SCN3A: variants seen among roughly 807,000 people sequenced by gnomAD.
The protein encoded by SCN3A is sodium voltage-gated channel alpha subunit 3, also known as sodium channel protein type 3 subunit alpha.
A neutral mutation model predicts 187.6 loss-of-function variants in SCN3A; 60 were observed. That is an observed-to-expected ratio of 0.32 (90% CI 0.26 to 0.40). SCN3A has a LOEUF of 0.40. SCN3A is among the 10% of genes least tolerant of loss of function. The pLI is 1.00. For missense variants in SCN3A, 1,601 were observed against 2,428.2 expected, an observed-to-expected ratio of 0.66 and a Z score of 7.16; for synonymous variants, 788 against 829.2, an observed-to-expected ratio of 0.95 and a Z score of 0.85.
At chr2:165,113,087 TA>T in intron 20 of SCN3A, 29 bp from the exon 21 acceptor site, 1 of 1,559,484 alleles carries the variant, frequency 6.4e-7, no homozygotes, top group Non-Finnish European at 8.8e-7. Flanking sequence ...TTATTTTACT[TA>T]AATGGCTTGC....
At chr2:165,187,979 A>G (rs560825065) in intron 1 of SCN3A, among the ~76,000 whole-genome samples, 2 of 152,230 alleles carry the variant, frequency 1.3e-5, no homozygotes, top group Non-Finnish European at 2.9e-5. Context: ...AGTTTTAAAT[A>G]CTTTGACCTT....
intron 1 of SCN3A, among the ~76,000 whole-genome samples, chr2:165,200,312 T>C (rs1448429467): frequency 6.6e-6 from 1 of 152,028 alleles, no homozygotes; most frequent in East Asian, 1.9e-4. Context: ...AGGTGACAAA[T>C]GAAACATGAA....
At chr2:165,126,470 CTTT>C (rs1686996058) in intron 18 of SCN3A, among the ~76,000 whole-genome samples, 3 of 145,862 alleles carry the variant, frequency 2.1e-5, no homozygotes, top group Admixed American at 6.9e-5. Flanking sequence ...CTTTCTCTTT[CTTT>C]ATTTCTTCCT....
intron 18 of SCN3A, among the ~76,000 whole-genome samples, chr2:165,126,374 C>T (rs1240157886): frequency 6.6e-6 from 1 of 151,692 alleles, no homozygotes; most frequent in Non-Finnish European, 1.5e-5. Context: ...AATTTCCTTC[C>T]TTCCTTGCTT....
intron 24 of SCN3A, 95 bp from the exon 25 acceptor site, chr2:165,095,743 C>T (rs1685335535): frequency 1.5e-6 from 1 of 687,506 alleles, no homozygotes; most frequent in Non-Finnish European, 2.4e-6. Context: ...TAATACAGTG[C>T]TACTTTTGCC....
intron 24 of SCN3A, 133 bp downstream of exon 24, chr2:165,096,334 G>T: frequency 1.4e-6 from 1 of 691,388 alleles, no homozygotes; most frequent in Non-Finnish European, 2.6e-6. Context: ...CTATATTGAA[G>T]CAGACTGTTC....
chr2:165,173,159 G>A (rs1461513521), intron 3 of SCN3A, among the ~76,000 whole-genome samples: 1 of 152,086 alleles, frequency 6.6e-6, no homozygotes, highest in Non-Finnish European at 1.5e-5. Flanking sequence ...TTACTACTTT[G>A]TGGCAAGAAT....
chr2:165,165,343 A>T (rs529365302), intron 5 of SCN3A, among the ~76,000 whole-genome samples: 1 of 152,102 alleles, frequency 6.6e-6, no homozygotes, highest in East Asian at 1.9e-4. Context: ...CTAGTATTTT[A>T]TATGTGTGTG....
intron 2 of SCN3A, among the ~76,000 whole-genome samples, chr2:165,177,060 C>G (rs1432738008): frequency 6.6e-6 from 1 of 152,190 alleles, no homozygotes; most frequent in Admixed American, 6.5e-5. Flanking sequence ...GATCACCAAC[C>G]AGCAGGGACA....
Position 165,107,485 on chromosome 2 carries a change from T to C in SCN3A, c.3843+5400A>G, listed in dbSNP as rs183228192. ...ATTAATATGAAATGACAATAATTTA[T>C]AATTATTTAGTTCCTTTACCCCAAA... On this transcript the variant is annotated intron_variant, in intron 21 of 27. Transcript: ENST00000283254. Among the ~76,000 whole-genome samples the C allele has an allele frequency of 3.6e-4, 55 of 152,368 alleles. 1 individual carries two copies. Among genetic ancestry groups the C allele is most frequent in the African/African-American group, 1.2e-3 (50 of 41,590 alleles).
In SCN3A at chr2:165,157,883, A is replaced by AG. The variant is rs1341725303; in HGVS notation, c.1032-1981_1032-1980insC. ...GGAAGCTCTTTCAGTTGACACCTGT[A>AG]ACAGTTTGACATACACCATGGTTGT... On this transcript the variant is annotated intron_variant, in intron 9 of 27. Transcript: ENST00000283254. Among the ~76,000 whole-genome samples the AG allele has an allele frequency of 3.3e-5, 5 of 152,154 alleles. No individual in the cohort carries two copies. In the East Asian group the frequency reaches 9.6e-4, roughly 29 times the overall value.
intron 1 of SCN3A, among the ~76,000 whole-genome samples, chr2:165,192,322 C>A (rs1574344779): frequency 6.6e-6 from 1 of 152,138 alleles, no homozygotes; most frequent in Non-Finnish European, 1.5e-5. Flanking sequence ...ATTTCCCACT[C>A]TAAAATATCT....
At chr2:165,094,615 C>T (rs1685275077) in intron 25 of SCN3A, 137 bp from the exon 26 acceptor site, 1 of 660,532 alleles carries the variant, frequency 1.5e-6, no homozygotes, top group African/African-American at 1.8e-5. Context: ...CCTGCTTTTC[C>T]CATTTATGTG....
Position 165,090,064 on chromosome 2 carries a change from A to ACCT in SCN3A, c.*83_*85dup. On this transcript the variant is annotated 3_prime_UTR_variant, in exon 28 of 28. Coordinates refer to ENST00000283254, the MANE Select transcript of SCN3A (RefSeq NM_006922.4). The surrounding 1 kb of genome is among the most constrained non-coding windows in gnomAD (Gnocchi z 4.0). ...TGTTAAAACAGTCAGTTTGGCATGG[A>ACCT]CCTCCTCTTGAAGTCCAGTTGACAC... 6.5e-7 allele frequency: 1 copy of ACCT among 1,535,618 alleles called. No homozygotes were observed.
intron 12 of SCN3A, among the ~76,000 whole-genome samples, chr2:165,143,490 T>C (rs900477043): frequency 2.0e-5 from 3 of 152,130 alleles, no homozygotes; most frequent in Non-Finnish European, 4.4e-5. Context: ...TTGGAATGTA[T>C]AATAATGGGT....
At position 165,090,301 on chromosome 2, in the gene SCN3A, C is replaced by T. The variant is rs1308612688; in HGVS notation, c.5852G>A (p.Gly1951Glu). 2.5e-6 allele frequency: 4 copies of T among 1,613,006 alleles called. No individual in the cohort carries two copies. The African/African-American group carries it at 5.3e-5, about 22-fold the overall frequency. The change falls in exon 28 of 28, where the codon GGG becomes GAG. Residue 1951 changes from glycine to glutamate, a missense_variant. Gly to Glu is a moderately conservative substitution (Grantham distance 98). Around this residue, in one of 11 missense-constraint regions of SCN3A, gnomAD observed 87 missense variants for 89.2 expected, o/e 0.98. Transcript: ENST00000283254. The surrounding 1 kb of genome is among the most constrained non-coding windows in gnomAD (Gnocchi z 4.0). ...KQDMIIDKLN[G>E]NSTPEKTDGS... The stretch of plus-strand genomic sequence containing the variant: ...ATCTGTTTTTTCTGGAGTGGAGTTC[C>T]CATTTAGTTTGTCAATAATCATGTC...
At chr2:165,198,137 A>G (rs1692081284) in intron 1 of SCN3A, among the ~76,000 whole-genome samples, 1 of 151,998 alleles carries the variant, frequency 6.6e-6, no homozygotes. Context: ...GCAACAAATA[A>G]CATAGCAGAA....
chr2:165,132,439 A>C (rs913974757), intron 15 of SCN3A, among the ~76,000 whole-genome samples: 8 of 152,364 alleles, frequency 5.3e-5, no homozygotes, highest in Admixed American at 1.3e-4. Context: ...AGAGATATAG[A>C]TCAATGGAAC....
intron 21 of SCN3A, 113 bp from the exon 22 acceptor site, chr2:165,100,537 G>C: frequency 9.3e-7 from 1 of 1,078,004 alleles, no homozygotes; most frequent in Non-Finnish European, 1.4e-6. Context: ...ACATACCTTG[G>C]CAACTTTCAT....
Sources: gnomAD v4.1 joint callset for allele counts (sites outside exome capture counted in the v4.1 genomes callset) on GRCh38, gnomAD v4.1.1 for gene constraint, gnomAD v4.1.1 regional missense constraint, Gnocchi (gnomAD v3.1) non-coding constraint, MANE v1.5 for transcripts, NCBI Gene and HGNC (gene_info 2026-07-23, HGNC 2026-07-21) for gene names.